SPECC1: variants seen among roughly 807,000 people sequenced by gnomAD.
SPECC1 encodes cytospin-B.
In SPECC1, 62 loss-of-function variants were observed where a neutral mutation model predicts 104.1. That is an observed-to-expected ratio of 0.60 (90% confidence interval 0.49 to 0.74). The LOEUF (loss-of-function observed/expected upper bound fraction) is 0.74, where lower values mean the gene tolerates loss of function less well. SPECC1 is among the 30% of genes least tolerant of loss of function. SPECC1 has a pLI of 0.00. For missense variants in SPECC1, 1,306 were observed against 1,310.5 expected, an observed-to-expected ratio of 1.00 and a Z score of 0.05; for synonymous variants, 513 against 501.6, an observed-to-expected ratio of 1.02 and a Z score of -0.30.
chr17:20,251,554 G>T (rs2039635148), intron 9 of SPECC1, among the ~76,000 whole-genome samples: 1 of 152,158 alleles, frequency 6.6e-6, no homozygotes, highest in Non-Finnish European at 1.5e-5. Flanking sequence ...GTGGATACAT[G>T]GAATTGTGTT....
chr17:20,182,183 G>A (rs1386587001), intron 3 of SPECC1, among the ~76,000 whole-genome samples: 1 of 137,638 alleles, frequency 7.3e-6, no homozygotes, highest in African/African-American at 2.8e-5. Context: ...GCATGAACTT[G>A]GTTCACTGGA....
intron 3 of SPECC1, among the ~76,000 whole-genome samples, chr17:20,194,502 A>ATTTTTTTTTTTTTTTTTTTTTTTTT (rs1209589252): frequency 5.8e-5 from 5 of 86,534 alleles, no homozygotes; most frequent in Admixed American, 1.4e-4. Context: ...AAGAGAACGA[A>ATTTTTTTTTTTTTTTTTTTTTTTTT]TTTTTTTTTT....
At chr17:20,127,320 C>T (rs2049360320) in intron 3 of SPECC1, among the ~76,000 whole-genome samples, 3 of 152,048 alleles carry the variant, frequency 2.0e-5, no homozygotes, top group Non-Finnish European at 4.4e-5. Context: ...CAGAGCTTTC[C>T]AGATAGATCT....
intron 1 of SPECC1, among the ~76,000 whole-genome samples, chr17:20,092,291 T>C (rs1167302474): frequency 1.7e-5 from 2 of 118,594 alleles, no homozygotes; most frequent in African/African-American, 6.3e-5. Context: ...ATGAGGATTT[T>C]AGGAAATCAT....
chr17:20,099,608 T>C (rs1371706668), intron 2 of SPECC1, among the ~76,000 whole-genome samples: 1 of 145,310 alleles, frequency 6.9e-6, no homozygotes, highest in African/African-American at 2.6e-5. Context: ...GACAGGAGAA[T>C]TGCTTGAACC....
intron 1 of SPECC1, among the ~76,000 whole-genome samples, chr17:20,040,833 C>T (rs562897796): frequency 8.5e-5 from 13 of 152,246 alleles, no homozygotes; most frequent in South Asian, 8.3e-4. Context: ...TTCAGCATTT[C>T]GAATCTATAG....
chr17:20,201,241 C>G (rs771970410), intron 3 of SPECC1, among the ~76,000 whole-genome samples: 3 of 151,794 alleles, frequency 2.0e-5, no homozygotes, highest in Non-Finnish European at 2.9e-5. Context: ...GGGGAGATCA[C>G]CTGAGGTCAG....
chr17:20,134,509 A>AT (rs1230424937), intron 3 of SPECC1, among the ~76,000 whole-genome samples: 1 of 152,150 alleles, frequency 6.6e-6, no homozygotes, highest in Non-Finnish European at 1.5e-5. Context: ...AAAATGGTAT[A>AT]TTATAAAGCC....
At chr17:20,194,384 G>A (rs751942044) in intron 3 of SPECC1, among the ~76,000 whole-genome samples, 1 of 151,882 alleles carries the variant, frequency 6.6e-6, no homozygotes, top group Admixed American at 6.6e-5. Flanking sequence ...GTTCCACACA[G>A]GCTTTTATTG....
chr17:20,232,074 A>G (rs1232859343), intron 6 of SPECC1, 126 bp from the exon 7 acceptor site: 7 of 1,139,740 alleles, frequency 6.1e-6, no homozygotes, highest in Middle Eastern at 5.8e-4. Context: ...GCCACCGTGT[A>G]AGCAGGGCCT....
At chr17:20,062,253 CA>C (rs549906384) in intron 1 of SPECC1, among the ~76,000 whole-genome samples, 8,028 of 76,006 alleles carry the variant, frequency 0.11, 227 homozygotes, top group Middle Eastern at 0.15. Flanking sequence ...ACTCTGTCGT[CA>C]AAAAAAAAAA....
rs2152522992 is a variant in SPECC1, at chr17:20,110,481, T to C, written c.202T>C (p.Ser68Pro). 1 of 1,613,920 alleles carries C rather than the reference T, an allele frequency of 6.2e-7. No individual in the cohort carries two copies. Among genetic ancestry groups the C allele is most frequent in the East Asian group, 2.2e-5 (1 of 44,822 alleles). ...CAACAAGCCAGGAAGTACCGCTGCATCGGGGGTGGTTCGCCTGAAGAAGAC... is the reference window on the plus strand; with the variant it reads ...CAACAAGCCAGGAAGTACCGCTGCACCGGGGGTGGTTCGCCTGAAGAAGAC... ...TLNKPGSTAA[S>P]GVVRLKKTAT... The change falls in exon 3 of 15, where the codon TCG becomes CCG. Residue 68 changes from serine (S) to proline (P), a missense_variant. This residue lies in a region of SPECC1 where 1,177 missense variants were observed against 1,139.9 expected (regional missense o/e 1.03). Transcript: ENST00000395527.
rs2039978545 is a variant in SPECC1 at position 20,260,251 on chromosome 17, A to G, written c.2897A>G (p.Asn966Ser). ...LAREYGGSKR[N>S]ALLKWCQKKT... Reference sequence around the variant, plus strand: ...CGGGAATACGGTGGTTCCAAGCGCAATGCTCTACTGAAATGGTGCCAGAAG... The same window carrying G: ...CGGGAATACGGTGGTTCCAAGCGCAGTGCTCTACTGAAATGGTGCCAGAAG... Residue 966 changes from asparagine to serine, a missense_variant, in exon 12 of 15, where the codon AAT becomes AGT. By Grantham distance (46) the Asn-to-Ser change is conservative. Coordinates refer to ENST00000395527, the MANE Select transcript of SPECC1 (RefSeq NM_001243439.2). The G allele has an allele frequency of 6.2e-7, 1 of 1,614,078 alleles. No homozygotes were observed. The highest frequency in any genetic ancestry group is 2.2e-5 in the East Asian group (1 of 44,876).
intron 3 of SPECC1, chr17:20,112,387 G>A: frequency 1.3e-6 from 1 of 758,736 alleles, no homozygotes; most frequent in Non-Finnish European, 2.5e-6. Flanking sequence ...TGGCAATAAA[G>A]AATTCTAAAC....
intron 13 of SPECC1, among the ~76,000 whole-genome samples, chr17:20,304,339 CATTT>C (rs34284985): frequency 0.43 from 64,941 of 151,392 alleles, 14,441 homozygotes; most frequent in East Asian, 0.79. Flanking sequence ...TGTAGAGAAA[CATTT>C]ATATCTCAAT....
intron 4 of SPECC1, among the ~76,000 whole-genome samples, chr17:20,210,745 C>T (rs1057405085): frequency 6.6e-6 from 1 of 152,230 alleles, no homozygotes; most frequent in Non-Finnish European, 1.5e-5. Context: ...TAGCGCCTTC[C>T]GGTGCTGCCT....
rs183653463 is a variant in SPECC1, at chr17:20,151,346, C to A, written c.283+40784C>A. 1.2e-4 allele frequency among the ~76,000 whole-genome samples: 18 copies of A among 152,328 alleles called. 1 individual carries two copies. Among genetic ancestry groups the A allele is most frequent in the Middle Eastern group, 3.4e-3 (1 of 294 alleles). On this transcript the variant is annotated intron_variant, in intron 3 of 14. Transcript: ENST00000395527. ...TCAGCCCTGCAATCATGGGGGTAAA[C>A]CTTCAACAGTACTGCGTTGTCAGCA...
At chr17:20,054,683 G>T (rs367815754) in intron 1 of SPECC1, among the ~76,000 whole-genome samples, 5 of 151,368 alleles carry the variant, frequency 3.3e-5, no homozygotes, top group African/African-American at 7.3e-5. Context: ...TCTTTTTTTG[G>T]GGGGGGTGGT....
At chr17:20,277,468 C>A (rs773384864) in intron 12 of SPECC1, among the ~76,000 whole-genome samples, 1 of 152,140 alleles carries the variant, frequency 6.6e-6, no homozygotes, top group Non-Finnish European at 1.5e-5. Context: ...AAATGAAGTT[C>A]ACTTAGCTCC....
Sources: gnomAD v4.1 joint callset for allele counts (sites outside exome capture counted in the v4.1 genomes callset) on GRCh38, gnomAD v4.1.1 for gene constraint, gnomAD v4.1.1 regional missense constraint, MANE v1.5 for transcripts, NCBI Gene and HGNC (gene_info 2026-07-23, HGNC 2026-07-21) for gene names.